Variants in TAS2R9 observed in about 807,000 individuals in gnomAD.
TAS2R9 encodes taste receptor type 2 member 9.
For synonymous variants in TAS2R9, 158 were observed against 134.2 expected (o/e 1.18, Z -1.23); for missense variants, 406 against 363.6 (o/e 1.12, Z -0.95).
In TAS2R9 at chr12:10,810,029, T is replaced by C; in HGVS notation, c.47A>G (p.Glu16Gly). 6.2e-7 allele frequency: 1 copy of C among 1,613,472 alleles called. No homozygotes were observed. The highest frequency in any genetic ancestry group is 8.5e-7 in the Non-Finnish European group (1 of 1,179,672). The change falls in exon 1 of 1, where the codon GAA becomes GGA. Residue 16 changes from glutamate to glycine, a missense_variant. Coordinates refer to ENST00000240691, the MANE Select transcript of TAS2R9 (RefSeq NM_023917.2). ...EAIYIILIAG[E>G]LTIGIWGNGF... Reference sequence around the variant, plus strand: ...ATTTCCCCAAATCCCTATGGTCAATTCACCAGCAATTAAAATAATATATAT... The same window carrying C: ...ATTTCCCCAAATCCCTATGGTCAATCCACCAGCAATTAAAATAATATATAT...
Position 10,809,816 on chromosome 12 carries a change from A to G in TAS2R9, c.260T>C (p.Val87Ala). 5.6e-6 allele frequency: 9 copies of G among 1,613,804 alleles called. No individual in the cohort carries two copies. Among genetic ancestry groups the G allele is most frequent in the Non-Finnish European group, 7.6e-6 (9 of 1,179,872 alleles). ...TGAATTATTGGCAAATGTCCAGACA[A>G]CATTCACAATGCTTACTAGCACGCT... ...GNSVLVSIVNVVWTFANNSSL... is the reference protein window; with the variant it reads ...GNSVLVSIVNAVWTFANNSSL... The change falls in exon 1 of 1, where the codon GTT (valine) becomes GCT (alanine). Residue 87 changes from valine (V) to alanine (A), a missense_variant. By Grantham distance (64) the Val-to-Ala change is moderately conservative. Coordinates refer to ENST00000240691, the MANE Select transcript of TAS2R9 (RefSeq NM_023917.2).
In TAS2R9 at chr12:10,809,668, C is replaced by G. The variant is rs1948754287; in HGVS notation, c.408G>C (p.Gly136=). The G allele has an allele frequency of 8.1e-6, 13 of 1,613,506 alleles. No individual in the cohort carries two copies. Among genetic ancestry groups the G allele is most frequent in the Non-Finnish European group, 1.1e-5 (13 of 1,179,826 alleles). Residue 136 remains glycine, a synonymous_variant, in exon 1 of 1, where the codon GGG becomes GGC. Transcript: ENST00000240691. ...INKVMLAILL[G]SFLISLIISV... The stretch of plus-strand genomic sequence containing the variant: ...TAATAATTAAAGAGATAAGAAAGGA[C>G]CCCAGAAGAATCGCAAGCATGACCT...
In TAS2R9 at chr12:10,809,282, A is replaced by C; in HGVS notation, c.794T>G (p.Met265Arg). Residue 265 changes from methionine to arginine, a missense_variant, in exon 1 of 1, where the codon ATG (methionine) becomes AGG (arginine). Transcript: ENST00000240691. Reference sequence around the variant, plus strand: ...AATGACAGTTACTATGTCACCAATCATCAACACTAATTTTCCCTGAGGAAT... The same window carrying C: ...AATGACAGTTACTATGTCACCAATCCTCAACACTAATTTTCCCTGAGGAAT... ...ALIPQGKLVL[M>R]IGDIVTVIFP... 2 of 1,613,702 alleles carry C rather than the reference A, an allele frequency of 1.2e-6. No homozygotes were observed.
In TAS2R9 at chr12:10,809,459, A is replaced by C; in HGVS notation, c.617T>G (p.Val206Gly). 1.2e-6 allele frequency: 2 copies of C among 1,613,496 alleles called. No homozygotes were observed. The highest frequency in any genetic ancestry group is 1.7e-6 in the Non-Finnish European group (2 of 1,179,796). ...CAGTCGAATCTGCTTGGTGTGTCTA[A>C]CTAGGGAGAAAAGTAACAAGAAAAA... ...ISFFLLLFSL[V>G]RHTKQIRLHA... Residue 206 changes from valine to glycine, a missense_variant, in exon 1 of 1, where the codon GTT (valine) becomes GGT (glycine). Transcript: ENST00000240691.
Position 10,809,580 on chromosome 12 carries a change from T to C in TAS2R9, c.496A>G (p.Thr166Ala), listed in dbSNP as rs1175622208. 1 of 1,613,614 alleles carries C rather than the reference T, an allele frequency of 6.2e-7. No homozygotes were observed. The highest frequency in any genetic ancestry group is 1.1e-5 in the South Asian group (1 of 91,056). The change falls in exon 1 of 1, where the codon ACT (threonine) becomes GCT (alanine). Residue 166 changes from threonine to alanine, a missense_variant. Physicochemically the swap from Thr to Ala is moderately conservative, Grantham distance 58 (BLOSUM62 0). Transcript: ENST00000240691. ...ATTTTACTCACTTTGAATTTCCAAG[T>C]AATGTTTTCTTCATGACTGACTTTG... is the stretch of plus-strand genomic sequence containing the variant. ...LFKVSHEENI[T>A]WKFKVSKIPG...
At position 10,809,900 on chromosome 12, in the gene TAS2R9, A is replaced by C; in HGVS notation, c.176T>G (p.Leu59Arg). The change falls in exon 1 of 1, where the codon CTG becomes CGG. Residue 59 changes from leucine to arginine, a missense_variant. Leu to Arg is a moderately radical substitution (Grantham distance 102). Coordinates refer to ENST00000240691, the MANE Select transcript of TAS2R9 (RefSeq NM_023917.2). The part of the protein sequence containing the change: ...ISLAISRICL[L>R]CVISLDGFFM... Reference sequence around the variant, plus strand: ...GAAGCCATCTAATGATATTACACACAGCAGACAGATTCTGGAGATGGCCAA... The same window carrying C: ...GAAGCCATCTAATGATATTACACACCGCAGACAGATTCTGGAGATGGCCAA... The C allele has an allele frequency of 6.2e-7, 1 of 1,613,808 alleles. No individual in the cohort carries two copies. Among genetic ancestry groups the C allele is most frequent in the East Asian group, 2.2e-5 (1 of 44,856 alleles).
At position 10,809,919 on chromosome 12, in the gene TAS2R9, T is replaced by C; in HGVS notation, c.157A>G (p.Ile53Val). The change falls in exon 1 of 1, where the codon ATC becomes GTC. Residue 53 changes from isoleucine (I) to valine (V), a missense_variant. Ile to Val is a conservative substitution (Grantham distance 29). Coordinates refer to ENST00000240691, the MANE Select transcript of TAS2R9 (RefSeq NM_023917.2). ...LIDIILISLA[I>V]SRICLLCVIS... ...ACACACAGCAGACAGATTCTGGAGA[T>C]GGCCAAGCTGATCAGGATGATGTCA... 6.2e-7 allele frequency: 1 copy of C among 1,613,788 alleles called. No individual in the cohort carries two copies. The highest frequency in any genetic ancestry group is 8.5e-7 in the Non-Finnish European group (1 of 1,179,838).
chr12:10,809,483 A>C lies in TAS2R9; in HGVS notation c.593T>G (p.Phe198Cys), dbSNP rs1448936073. ...MVPFILCLIS[F>C]FLLLFSLVRH... ...AACTAGGGAGAAAAGTAACAAGAAAAATGAGATCAGGCAAAGGATAAAGGG... is the reference window on the plus strand; with the variant it reads ...AACTAGGGAGAAAAGTAACAAGAAACATGAGATCAGGCAAAGGATAAAGGG... Residue 198 changes from phenylalanine (F) to cysteine (C), a missense_variant, in exon 1 of 1, where the codon TTT (phenylalanine) becomes TGT (cysteine). Physicochemically the swap from Phe to Cys is radical, Grantham distance 205 (BLOSUM62 -2). Coordinates refer to ENST00000240691, the MANE Select transcript of TAS2R9 (RefSeq NM_023917.2). 1.2e-6 allele frequency: 2 copies of C among 1,613,544 alleles called. No individual in the cohort carries two copies. Among genetic ancestry groups the C allele is most frequent in the South Asian group, 1.1e-5 (1 of 91,074 alleles).
At position 10,809,471 on chromosome 12, in the gene TAS2R9, A is replaced by C. The variant is rs757777760; in HGVS notation, c.605T>G (p.Leu202Arg). 5 of 1,613,570 alleles carry C rather than the reference A, an allele frequency of 3.1e-6. No individual in the cohort carries two copies. The South Asian group carries it at 3.3e-5, about 11-fold the overall frequency. ...CTTGGTGTGTCTAACTAGGGAGAAA[A>C]GTAACAAGAAAAATGAGATCAGGCA... ...ILCLISFFLL[L>R]FSLVRHTKQI... The change falls in exon 1 of 1, where the codon CTT (leucine) becomes CGT (arginine). Residue 202 changes from leucine to arginine, a missense_variant. Physicochemically the swap from Leu to Arg is moderately radical, Grantham distance 102 (BLOSUM62 -2). Coordinates refer to ENST00000240691, the MANE Select transcript of TAS2R9 (RefSeq NM_023917.2).
At position 10,809,738 on chromosome 12, in the gene TAS2R9, T is replaced by C; in HGVS notation, c.338A>G (p.Asn113Ser). 6.2e-7 allele frequency: 1 copy of C among 1,613,626 alleles called. No individual in the cohort carries two copies. Residue 113 changes from asparagine (N) to serine (S), a missense_variant, in exon 1 of 1, where the codon AAT (asparagine) becomes AGT (serine). Coordinates refer to ENST00000240691, the MANE Select transcript of TAS2R9 (RefSeq NM_023917.2). ...CCAGAAGAAAAATGGGTGCGATATA[T>C]TGGCTATCTTGAGTAAATAGAAGAT... is the stretch of plus-strand genomic sequence containing the variant. ...LSIFYLLKIA[N>S]ISHPFFFWLK...
rs1307210792 is a variant in TAS2R9, at chr12:10,809,244, G to A, written c.832C>T (p.His278Tyr). ...DIVTVIFPSS[H>Y]SFILIMGNSK... is the part of the protein sequence containing the mutation. ...TTTCCCATAATTAGAATGAATGAAT[G>A]GCTTGATGGGAAAATGACAGTTACT... The change falls in exon 1 of 1, where the codon CAT becomes TAT. Residue 278 changes from histidine to tyrosine, a missense_variant. His to Tyr is a moderately conservative substitution (Grantham distance 83). Transcript: ENST00000240691. 4.3e-6 allele frequency: 7 copies of A among 1,613,464 alleles called. No individual in the cohort carries two copies. The highest frequency in any genetic ancestry group is 5.1e-6 in the Non-Finnish European group (6 of 1,179,758).
chr12:10,809,862 A>G lies in TAS2R9; in HGVS notation c.214T>C (p.Phe72Leu). ...ISLDGFFMLL[F>L]PGTYGNSVLV... ...ACGCTATTGCCATATGTACCTGGAA[A>G]GAGCAGCATAAAGAAGCCATCTAAT... The change falls in exon 1 of 1, where the codon TTT becomes CTT. Residue 72 changes from phenylalanine (F) to leucine (L), a missense_variant. Transcript: ENST00000240691. 1 of 1,613,802 alleles carries G rather than the reference A, an allele frequency of 6.2e-7. No homozygotes were observed. Among genetic ancestry groups the G allele is most frequent in the Non-Finnish European group, 8.5e-7 (1 of 1,179,864 alleles).
Position 10,810,071 on chromosome 12 carries a change from G to A in TAS2R9, c.5C>T (p.Pro2Leu). Residue 2 changes from proline (P) to leucine (L), a missense_variant, in exon 1 of 1, where the codon CCA becomes CTA. Pro to Leu is a moderately conservative substitution (Grantham distance 98, BLOSUM62 -3). Transcript: ENST00000240691. The stretch of plus-strand genomic sequence containing the variant: ...AATATATATTGCCTCTATTGCACTT[G>A]GCATGCCAGCAAAGACTTGTGATTT... The part of the protein sequence containing the change: M[P>L]SAIEAIYIIL... The A allele has an allele frequency of 6.2e-7, 1 of 1,605,292 alleles. No homozygotes were observed. The highest frequency in any genetic ancestry group is 8.5e-7 in the Non-Finnish European group (1 of 1,175,518).
In TAS2R9 at chr12:10,809,990, A is replaced by G; in HGVS notation, c.86T>C (p.Leu29Pro). 1 of 1,613,738 alleles carries G rather than the reference A, an allele frequency of 6.2e-7. No homozygotes were observed. Among genetic ancestry groups the G allele is most frequent in the Non-Finnish European group, 8.5e-7 (1 of 1,179,772 alleles). The change falls in exon 1 of 1, where the codon CTA (leucine) becomes CCA (proline). Residue 29 changes from leucine to proline, a missense_variant. Transcript: ENST00000240691. ...IGIWGNGFIV[L>P]VNCIDWLKRR... is the part of the protein sequence containing the mutation. ...TTTGAGCCAGTCAATGCAGTTAACT[A>G]GTACAATGAATCCATTTCCCCAAAT...
In TAS2R9 at chr12:10,809,751, G is replaced by A; in HGVS notation, c.325C>T (p.Leu109Phe). 6.2e-7 allele frequency: 1 copy of A among 1,613,668 alleles called. No individual in the cohort carries two copies. Among genetic ancestry groups the A allele is most frequent in the South Asian group, 1.1e-5 (1 of 91,070 alleles). Residue 109 changes from leucine to phenylalanine, a missense_variant, in exon 1 of 1, where the codon CTC becomes TTC. Transcript: ENST00000240691. ...FTSCLSIFYL[L>F]KIANISHPFF... ...GGGTGCGATATATTGGCTATCTTGA[G>A]TAAATAGAAGATACTGAGGCAAGAA... is the stretch of plus-strand genomic sequence containing the variant.
Position 10,809,734 on chromosome 12 carries a change from T to C in TAS2R9, c.342A>G (p.Ile114Met). The C allele has an allele frequency of 6.2e-7, 1 of 1,613,616 alleles. No individual in the cohort carries two copies. Among genetic ancestry groups the C allele is most frequent in the Non-Finnish European group, 8.5e-7 (1 of 1,179,840 alleles). Residue 114 changes from isoleucine (I) to methionine (M), a missense_variant, in exon 1 of 1, where the codon ATA becomes ATG. Ile to Met is a conservative substitution (Grantham distance 10). Transcript: ENST00000240691. ...TCAGCCAGAAGAAAAATGGGTGCGA[T>C]ATATTGGCTATCTTGAGTAAATAGA... is the stretch of plus-strand genomic sequence containing the variant. Reference protein sequence around the residue: ...SIFYLLKIANISHPFFFWLKL... With the variant: ...SIFYLLKIANMSHPFFFWLKL...
rs1177718424 is a variant in TAS2R9, at chr12:10,809,727, G to T, written c.349C>A (p.Pro117Thr). The change falls in exon 1 of 1, where the codon CCA (proline) becomes ACA (threonine). Residue 117 changes from proline (P) to threonine (T), a missense_variant. Transcript: ENST00000240691. ...YLLKIANISHPFFFWLKLKIN... is the reference protein window; with the variant it reads ...YLLKIANISHTFFFWLKLKIN... ...TTTAGCTTCAGCCAGAAGAAAAATGGGTGCGATATATTGGCTATCTTGAGT... is the reference window on the plus strand; with the variant it reads ...TTTAGCTTCAGCCAGAAGAAAAATGTGTGCGATATATTGGCTATCTTGAGT... 5.0e-6 allele frequency: 8 copies of T among 1,613,376 alleles called. No individual in the cohort carries two copies. In the Admixed American group the frequency reaches 5.0e-5, roughly 10 times the overall value.
At position 10,809,704 on chromosome 12, in the gene TAS2R9, T is replaced by G; in HGVS notation, c.372A>C (p.Leu124=). ...TCGCAAGCATGACCTTGTTGATCTT[T>G]AGCTTCAGCCAGAAGAAAAATGGGT... The part of the protein sequence containing the change: ...ISHPFFFWLK[L]KINKVMLAIL... The change falls in exon 1 of 1, where the codon CTA becomes CTC. Residue 124 remains leucine, a synonymous_variant. Transcript: ENST00000240691. The G allele has an allele frequency of 6.2e-7, 1 of 1,613,528 alleles. No homozygotes were observed. Among genetic ancestry groups the G allele is most frequent in the Non-Finnish European group, 8.5e-7 (1 of 1,179,798 alleles).
At chr12:10,809,515 C>CG in the TAS2R9 span, 1 of 1,613,430 alleles carries the variant, frequency 6.2e-7, no homozygotes, top group Non-Finnish European at 8.5e-7. Context: ...AGGGAACCAT[C>CG]ACCCCCAGGT....
Sources: gnomAD v4.1 joint callset for allele counts on GRCh38, gnomAD v4.1.1 for gene constraint, MANE v1.5 for transcripts, NCBI Gene and HGNC (gene_info 2026-07-23, HGNC 2026-07-21) for gene names.